CSMD1: variants seen among roughly 807,000 people sequenced by gnomAD.
CSMD1 encodes the protein CUB and Sushi multiple domains 1.
A neutral mutation model predicts 417.5 loss-of-function variants in CSMD1; 213 were observed. The ratio of observed to expected loss-of-function variants is 0.51; its 90% CI spans 0.46 to 0.57. The LOEUF (loss-of-function observed/expected upper bound fraction) is 0.57. Among genes scored for constraint, CSMD1 ranks in the 20% least tolerant of loss-of-function variants. CSMD1 has a pLI of 0.00. For synonymous variants in CSMD1, 2,862 were observed against 1,736.8 expected (o/e 1.65, Z -16.11); for missense variants, 6,923 against 4,529.7 (o/e 1.53, Z -15.17).
intron 3 of CSMD1, among the ~76,000 whole-genome samples, chr8:4,209,759 C>A (rs552330985): frequency 6.6e-6 from 1 of 152,326 alleles, no homozygotes; most frequent in South Asian, 2.1e-4. Flanking sequence ...AGCAGGACTA[C>A]ACCATAGGCC....
rs866423821 is a variant in CSMD1, at chr8:3,007,706, G to C, written c.8030-7575C>G. The stretch of plus-strand genomic sequence containing the variant: ...AAACACCGCATATTCTCACTCATAG[G>C]TGGGAACTGAACAGTGAGATCACAT... On this transcript the variant is annotated intron_variant, in intron 52 of 69. Coordinates refer to ENST00000635120, the MANE Select transcript of CSMD1 (RefSeq NM_033225.6). 4.7e-5 allele frequency among the ~76,000 whole-genome samples: 7 copies of C among 148,382 alleles called. No homozygotes were observed. The South Asian group carries it at 6.4e-4, about 13-fold the overall frequency.
chr8:4,512,653 G>C (rs1407646449), intron 2 of CSMD1, among the ~76,000 whole-genome samples: 3 of 151,566 alleles, frequency 2.0e-5, no homozygotes, highest in Non-Finnish European at 2.9e-5. Flanking sequence ...GCAATGAAAT[G>C]GAATTCAAAA....
intron 5 of CSMD1, among the ~76,000 whole-genome samples, chr8:3,786,677 T>G (rs145612324): frequency 2.2e-3 from 337 of 152,308 alleles, no homozygotes; most frequent in Middle Eastern, 0.014. Context: ...ACAGACTTTG[T>G]GGCTTAAACG....
chr8:3,854,331 G>C (rs1462842037), intron 5 of CSMD1, among the ~76,000 whole-genome samples: 1 of 151,572 alleles, frequency 6.6e-6, no homozygotes, highest in African/African-American at 2.4e-5. Context: ...TTATTTTGTA[G>C]TCTTTTTTCA....
intron 3 of CSMD1, among the ~76,000 whole-genome samples, chr8:4,360,262 C>CCT (rs1050552363): frequency 1.3e-5 from 2 of 152,102 alleles, no homozygotes; most frequent in African/African-American, 4.8e-5. Flanking sequence ...CACACATCTA[C>CCT]CTCCCTGAAT....
intron 2 of CSMD1, among the ~76,000 whole-genome samples, chr8:4,422,777 T>C (rs1797321669): frequency 6.6e-6 from 1 of 151,910 alleles, no homozygotes; most frequent in Admixed American, 6.6e-5. Flanking sequence ...GATGCAAAAA[T>C]CCTTAACCAA....
At chr8:4,392,649 T>A (rs1167104945) in intron 3 of CSMD1, among the ~76,000 whole-genome samples, 4 of 146,592 alleles carry the variant, frequency 2.7e-5, no homozygotes, top group Admixed American at 2.7e-4. Context: ...GGGGGAGGGT[T>A]ATTATTATTA....
chr8:3,335,746 T>A (rs1807217073), intron 23 of CSMD1, among the ~76,000 whole-genome samples: 1 of 152,048 alleles, frequency 6.6e-6, no homozygotes, highest in Non-Finnish European at 1.5e-5. Context: ...CACCTAAGAG[T>A]AGAGCAGACA....
chr8:4,345,561 G>A (rs189059164), intron 3 of CSMD1, among the ~76,000 whole-genome samples: 223 of 151,950 alleles, frequency 1.5e-3, no homozygotes, highest in African/African-American at 5.1e-3. Context: ...ATCACTCATC[G>A]GACAAAGCAC....
intron 3 of CSMD1, among the ~76,000 whole-genome samples, chr8:4,171,119 C>T (rs1160858403): frequency 6.6e-6 from 1 of 151,862 alleles, no homozygotes; most frequent in Non-Finnish European, 1.5e-5. Flanking sequence ...CTTCAGCACA[C>T]AAAGGTGAGG....
chr8:4,204,286 G>C (rs148771266), intron 3 of CSMD1, among the ~76,000 whole-genome samples: 1 of 150,794 alleles, frequency 6.6e-6, no homozygotes. Context: ...ACCTCAATTT[G>C]GAAGTTTTTG....
chr8:4,377,455 C>A (rs955212932), intron 3 of CSMD1, among the ~76,000 whole-genome samples: 25 of 152,098 alleles, frequency 1.6e-4, no homozygotes, highest in Admixed American at 1.6e-3. Flanking sequence ...ATTTTTTCCC[C>A]CTTAAATTAC....
chr8:4,389,614 C>G (rs1347471241), intron 3 of CSMD1, among the ~76,000 whole-genome samples: 2 of 152,134 alleles, frequency 1.3e-5, no homozygotes, highest in Non-Finnish European at 2.9e-5. Context: ...TCAAACTTCT[C>G]TACAAATCCC....
At chr8:4,925,748 C>A (rs1312198282) in intron 1 of CSMD1, among the ~76,000 whole-genome samples, 6 of 151,984 alleles carry the variant, frequency 3.9e-5, no homozygotes, top group Non-Finnish European at 8.8e-5. Flanking sequence ...GGGGTTTCAC[C>A]GTGTTGGTCA....
chr8:4,177,233 T>C (rs557106152), intron 3 of CSMD1, among the ~76,000 whole-genome samples: 1 of 152,268 alleles, frequency 6.6e-6, no homozygotes, highest in African/African-American at 2.4e-5. Context: ...AAACTGTCTC[T>C]CACACCACAG....
chr8:3,771,076 G>C (rs1450241429), intron 5 of CSMD1, among the ~76,000 whole-genome samples: 1 of 151,818 alleles, frequency 6.6e-6, no homozygotes, highest in Non-Finnish European at 1.5e-5. Context: ...GTGGACAATA[G>C]TCTTGGGGGT....
intron 1 of CSMD1, among the ~76,000 whole-genome samples, chr8:4,842,259 T>G (rs767718653): frequency 3.3e-5 from 5 of 152,250 alleles, no homozygotes; most frequent in Non-Finnish European, 7.3e-5. Context: ...TATTTTCATA[T>G]AAATATGAAT....
chr8:3,512,264 G>A (rs1197145478), intron 10 of CSMD1, among the ~76,000 whole-genome samples: 2 of 152,156 alleles, frequency 1.3e-5, no homozygotes, highest in African/African-American at 4.8e-5. Flanking sequence ...TCATCTTCAG[G>A]GATGGACTGG....
At chr8:4,844,945 C>G (rs533940342) in intron 1 of CSMD1, among the ~76,000 whole-genome samples, 22 of 152,242 alleles carry the variant, frequency 1.4e-4, no homozygotes, top group African/African-American at 5.1e-4. Flanking sequence ...AGACACCAGT[C>G]AATTTGGCAG....
Sources: allele counts gnomAD v4.1 joint callset (sites outside exome capture counted in the v4.1 genomes callset), GRCh38; gene constraint gnomAD v4.1.1; transcripts MANE v1.5; gene names NCBI Gene and HGNC (gene_info 2026-07-23, HGNC 2026-07-21).